The following CPLANE1 variants were observed in gnomAD, a reference collection of about 807,000 sequenced individuals.
The protein encoded by CPLANE1 is ciliogenesis and planar polarity effector 1.
CPLANE1 carries 263 observed loss-of-function variants against 362.5 expected under a neutral mutation model. The ratio of observed to expected loss-of-function variants is 0.73; its 90% CI spans 0.66 to 0.80. The LOEUF (loss-of-function observed/expected upper bound fraction) is 0.80. CPLANE1 is among the 30% of genes least tolerant of loss of function. The pLI is 0.00. For missense variants in CPLANE1, 3,461 were observed against 3,793.4 expected (o/e 0.91, Z 2.30); for synonymous variants, 1,212 against 1,302.6 (o/e 0.93, Z 1.50).
intron 16 of CPLANE1, among the ~76,000 whole-genome samples, chr5:37,212,848 C>A (rs1561623086): frequency 6.6e-6 from 1 of 152,324 alleles, no homozygotes; most frequent in East Asian, 1.9e-4. Context: ...AAGGTGGCAG[C>A]TCTTTCACTT....
In CPLANE1 at chr5:37,169,048, A is replaced by C. The variant is rs369870543; in HGVS notation, c.6976T>G (p.Leu2326Val). Residue 2326 changes from leucine (L) to valine (V), a missense_variant, in exon 34 of 53, where the codon TTG becomes GTG. Coordinates refer to ENST00000651892, the MANE Select transcript of CPLANE1 (RefSeq NM_001384732.1). ...ACTGAAGAGTCCTGTTGAGGTGTCA[A>C]ATTTTCTTGTCCAACATATTGATCC... is the stretch of plus-strand genomic sequence containing the variant. ...NLDQYVGQEN[L>V]TPQQDSSVFI... 6.2e-7 allele frequency: 1 copy of C among 1,614,220 alleles called. No homozygotes were observed. Among genetic ancestry groups the C allele is most frequent in the South Asian group, 1.1e-5 (1 of 91,088 alleles).
intron 51 of CPLANE1, among the ~76,000 whole-genome samples, chr5:37,109,039 T>C (rs1758381995): frequency 6.6e-6 from 1 of 152,218 alleles, no homozygotes; most frequent in Non-Finnish European, 1.5e-5. Context: ...ATAAGGTTTC[T>C]CTGCACAAAG....
At chr5:37,148,602 G>T (rs574902600) in intron 42 of CPLANE1, among the ~76,000 whole-genome samples, 1 of 152,132 alleles carries the variant, frequency 6.6e-6, no homozygotes, top group Non-Finnish European at 1.5e-5. Flanking sequence ...GGCATAACAC[G>T]GTCAACCCAG....
At chr5:37,097,911 C>T in the CPLANE1 span, among the ~76,000 whole-genome samples, 3 of 152,096 alleles carry the variant, frequency 2.0e-5, no homozygotes, top group African/African-American at 7.2e-5. Context: ...GATAAGACAG[C>T]AAACAACAAC....
chr5:37,125,463 AAGATATATCATGACTAAACACTATT>A (rs1333984028), intron 46 of CPLANE1, 54 bp from the exon 47 acceptor site: 172 of 919,080 alleles, frequency 1.9e-4, no homozygotes, highest in Non-Finnish European at 2.1e-4. Context: ...TTAAGCAGAT[AAGATATATCATGACTAAACACTATT>A]TATCCGGAAA....
chr5:37,169,747 G>A (rs1325099474), intron 33 of CPLANE1, among the ~76,000 whole-genome samples, 186 bp from the exon 34 acceptor site: 3 of 149,882 alleles, frequency 2.0e-5, no homozygotes, highest in Non-Finnish European at 4.4e-5. Flanking sequence ...TTTTTTCTGA[G>A]ACAGAGTCTT....
chr5:37,115,675 C>T (rs1371194477), intron 50 of CPLANE1, among the ~76,000 whole-genome samples: 1 of 149,718 alleles, frequency 6.7e-6, no homozygotes, highest in African/African-American at 2.5e-5. Flanking sequence ...CCACTCACTG[C>T]AACCTCCACC....
intron 15 of CPLANE1, among the ~76,000 whole-genome samples, chr5:37,218,541 T>C (rs537395182): frequency 1.3e-5 from 2 of 152,338 alleles, no homozygotes; most frequent in East Asian, 1.9e-4. Context: ...AGTACAACTA[T>C]ATGTTAAATC....
At chr5:37,114,313 A>G (rs1435548768) in intron 51 of CPLANE1, among the ~76,000 whole-genome samples, 1 of 152,220 alleles carries the variant, frequency 6.6e-6, no homozygotes. Flanking sequence ...AGATCTGAAC[A>G]GGTCATTTAA....
In CPLANE1 at chr5:37,239,813, A is replaced by G; in HGVS notation, c.734T>C (p.Ile245Thr). The G allele has an allele frequency of 6.5e-7, 1 of 1,545,524 alleles. No individual in the cohort carries two copies. The highest frequency in any genetic ancestry group is 8.7e-7 in the Non-Finnish European group (1 of 1,143,386). Residue 245 changes from isoleucine to threonine, a missense_variant, in exon 7 of 53, where the codon ATT becomes ACT. This residue lies in a region of CPLANE1 where 3,380 missense variants were observed against 3,666.1 expected (regional missense o/e 0.92). Coordinates refer to ENST00000651892, the MANE Select transcript of CPLANE1 (RefSeq NM_001384732.1). ...TGACTTTACTGATTCACATTTAGGAATTAAACTACAGAGATGACAGTCTTG... is the reference window on the plus strand; with the variant it reads ...TGACTTTACTGATTCACATTTAGGAGTTAAACTACAGAGATGACAGTCTTG... ...AQQDCHLCSLIPKCESVKSRG... is the reference protein window; with the variant it reads ...AQQDCHLCSLTPKCESVKSRG...
chr5:37,083,818 G>GA, the CPLANE1 span, among the ~76,000 whole-genome samples: 1 of 152,232 alleles, frequency 6.6e-6, no homozygotes, highest in Admixed American at 6.5e-5. Context: ...CAGCATTCCT[G>GA]AGGAAGAAAA....
chr5:37,248,618 C>T (rs111582220), intron 1 of CPLANE1, among the ~76,000 whole-genome samples: 6,463 of 152,168 alleles, frequency 0.042, 475 homozygotes, highest in African/African-American at 0.15. Context: ...GTGAGAGCCA[C>T]TGCACTCCAG....
chr5:37,162,112 T>G (rs1309001705), intron 38 of CPLANE1, among the ~76,000 whole-genome samples: 1 of 152,146 alleles, frequency 6.6e-6, no homozygotes, highest in Non-Finnish European at 1.5e-5. Context: ...CCGAACCCAG[T>G]CCAGTCCTTC....
chr5:37,138,914 A>G, intron 45 of CPLANE1, 66 bp from the exon 46 acceptor site: 1 of 1,375,878 alleles, frequency 7.3e-7, no homozygotes, highest in South Asian at 1.4e-5. Context: ...ATTAAGCAAA[A>G]ATAAACATGT....
intron 31 of CPLANE1, 70 bp downstream of exon 31, chr5:37,175,839 G>T (rs958900413): frequency 2.9e-6 from 3 of 1,026,068 alleles, no homozygotes; most frequent in East Asian, 4.9e-5. Context: ...TGGTACAGTC[G>T]GCATACTTTC....
At position 37,224,554 on chromosome 5, in the gene CPLANE1, G is replaced by A. The variant is rs1293392692; in HGVS notation, c.2478C>T (p.Thr826=). The stretch of plus-strand genomic sequence containing the variant: ...GACCATTGATAGATTTAAGTTCTAA[G>A]GTTTGATTCAAGCAATCTCCAGTAC... ...LQSTGDCLNQ[T]LELKSINGEE... is the part of the protein sequence containing the mutation. Residue 826 remains threonine (T), a synonymous_variant, in exon 13 of 53, where the codon ACC becomes ACT. Coordinates refer to ENST00000651892, the MANE Select transcript of CPLANE1 (RefSeq NM_001384732.1). 1.9e-6 allele frequency: 3 copies of A among 1,550,576 alleles called. No individual in the cohort carries two copies. In the Admixed American group the frequency reaches 5.9e-5, roughly 30 times the overall value.
chr5:37,185,742 A>G (rs1783804714), intron 24 of CPLANE1, among the ~76,000 whole-genome samples: 1 of 152,186 alleles, frequency 6.6e-6, no homozygotes, highest in Non-Finnish European at 1.5e-5. Context: ...ATTCTGCAAC[A>G]TTGTAAATGT....
chr5:37,120,167 A>C (rs1270079185), intron 50 of CPLANE1, 49 bp downstream of exon 50: 4 of 1,561,808 alleles, frequency 2.6e-6, no homozygotes, highest in Non-Finnish European at 3.5e-6. Flanking sequence ...TGGAGACAAG[A>C]AGGAATAGGT....
At chr5:37,203,263 C>T (rs190862813) in intron 18 of CPLANE1, among the ~76,000 whole-genome samples, 162 of 152,206 alleles carry the variant, frequency 1.1e-3, no homozygotes, top group African/African-American at 3.7e-3. Context: ...TATAGAATGC[C>T]ACAGAAATGG....
Sources: gnomAD v4.1 joint callset for allele counts (sites outside exome capture counted in the v4.1 genomes callset) on GRCh38, gnomAD v4.1.1 for gene constraint, gnomAD v4.1.1 regional missense constraint, MANE v1.5 for transcripts, NCBI Gene and HGNC (gene_info 2026-07-23, HGNC 2026-07-21) for gene names.